The following RBM43 variants were observed in gnomAD, a reference collection of about 807,000 sequenced individuals.
The protein encoded by RBM43 is RNA binding motif protein 43, also known as RNA-binding protein 43.
RBM43 carries 12 observed loss-of-function variants against 12.4 expected under a neutral mutation model. That is an observed-to-expected ratio of 0.97 (90% confidence interval 0.62 to 1.57). The LOEUF (loss-of-function observed/expected upper bound fraction) is 1.57, where lower values mean the gene tolerates loss of function less well. Among genes scored for constraint, RBM43 ranks in the 40% most tolerant of loss-of-function variants. The pLI is 0.00. For missense variants in RBM43, 348 were observed against 400.1 expected, an observed-to-expected ratio of 0.87 and a Z score of 1.11; for synonymous variants, 138 against 145.7, an observed-to-expected ratio of 0.95 and a Z score of 0.38.
chr2:151,248,510 A>T lies in RBM43; in HGVS notation c.*2396T>A, dbSNP rs1466539714. ...AGAAAGTTTCAGCCACCTTTGAGAC[A>T]GTATTTTTTAACAAGGCAATATTTG... On this transcript the variant is annotated 3_prime_UTR_variant, in exon 4 of 4. Coordinates refer to ENST00000331426, the MANE Select transcript of RBM43 (RefSeq NM_198557.3). The T allele has an allele frequency of 6.6e-6, 1 of 152,222 alleles. No homozygotes were observed. The highest frequency in any genetic ancestry group is 1.9e-4 in the East Asian group (1 of 5,198). 9.4% of individuals were successfully genotyped at this position (152,222 alleles called of 1,614,324 possible). A position where few individuals can be genotyped will look rare whatever the true frequency, so the allele number is the denominator to read the frequency against.
intron 1 of RBM43, among the ~76,000 whole-genome samples, chr2:151,259,929 G>A (rs750997009): frequency 1.3e-5 from 2 of 151,534 alleles, no homozygotes; most frequent in Non-Finnish European, 2.9e-5. Flanking sequence ...GCAGTGGCGC[G>A]ATCTTGGCTC....
chr2:151,251,082 C>G lies in RBM43; in HGVS notation c.898G>C (p.Gly300Arg). 1.2e-6 allele frequency: 2 copies of G among 1,613,734 alleles called. No homozygotes were observed. Among genetic ancestry groups the G allele is most frequent in the South Asian group, 2.2e-5 (2 of 91,034 alleles). ...KLRKETFILE[G>R]KENREKRMIK... The stretch of plus-strand genomic sequence containing the variant: ...ATTCTTTTCTCTCTATTTTCCTTTC[C>G]TTCCAAAATAAATGTCTCTTTTCTA... The change falls in exon 4 of 4, where the codon GGA becomes CGA. Residue 300 changes from glycine (G) to arginine (R), a missense_variant. Physicochemically the swap from Gly to Arg is moderately radical, Grantham distance 125 (BLOSUM62 -2). Transcript: ENST00000331426.
chr2:151,261,574 C>T, intron 1 of RBM43, 151 bp downstream of exon 1: 1 of 1,540,190 alleles, frequency 6.5e-7, no homozygotes, highest in Non-Finnish European at 8.8e-7. Context: ...TCCGGGGCCC[C>T]CGGGGTCCCT....
rs1682849038 is a variant in RBM43 at position 151,248,524 on chromosome 2, A to G, written c.*2382T>C. 1 of 152,212 alleles carries G rather than the reference A, an allele frequency of 6.6e-6. No individual in the cohort carries two copies. The highest frequency in any genetic ancestry group is 2.4e-5 in the African/African-American group (1 of 41,454). The allele number at this position is 152,212 out of a possible 1,614,324, so 9.4% of individuals were successfully genotyped here. ...ACCTTTGAGACAGTATTTTTTAACA[A>G]GGCAATATTTGTATCCTGAATGTGT... On this transcript the variant is annotated 3_prime_UTR_variant, in exon 4 of 4. Coordinates refer to ENST00000331426, the MANE Select transcript of RBM43 (RefSeq NM_198557.3).
At chr2:151,259,428 T>C (rs978764988) in intron 1 of RBM43, among the ~76,000 whole-genome samples, 1 of 151,832 alleles carries the variant, frequency 6.6e-6, no homozygotes. Context: ...GGCAGATCAC[T>C]TGAAGTCAGG....
chr2:151,255,685 C>T lies in RBM43; in HGVS notation c.62G>A (p.Gly21Asp). ...KAPERTVVVA[G>D]LPVDLFSDQL... ...ATCACTAAAAAGGTCAACTGGAAGA[C>T]CAGCAACTACAACCGTTCTTTCAGG... Residue 21 changes from glycine to aspartate, a missense_variant, in exon 2 of 4, where the codon GGT becomes GAT. Gly to Asp is a moderately conservative substitution (Grantham distance 94). Coordinates refer to ENST00000331426, the MANE Select transcript of RBM43 (RefSeq NM_198557.3). 1 of 1,613,946 alleles carries T rather than the reference C, an allele frequency of 6.2e-7. No homozygotes were observed. The highest frequency in any genetic ancestry group is 8.5e-7 in the Non-Finnish European group (1 of 1,179,966).
rs530148477 is a variant in RBM43, at chr2:151,248,466, G to A, written c.*2440C>T. On this transcript the variant is annotated 3_prime_UTR_variant, in exon 4 of 4. Coordinates refer to ENST00000331426, the MANE Select transcript of RBM43 (RefSeq NM_198557.3). ...TAAAGAGGGGATACTGTAAGAAGGG[G>A]AGGGGAAAGGTCTAGAAAAGAAAGT... is the stretch of plus-strand genomic sequence containing the variant. The A allele has an allele frequency of 6.6e-6, 1 of 152,286 alleles. No individual in the cohort carries two copies. Among genetic ancestry groups the A allele is most frequent in the East Asian group, 1.9e-4 (1 of 5,186 alleles). 9.4% of individuals were successfully genotyped at this position (152,286 alleles called of 1,614,324 possible).
chr2:151,254,280 G>T (rs1314483769), intron 2 of RBM43, among the ~76,000 whole-genome samples: 2 of 131,744 alleles, frequency 1.5e-5, no homozygotes, highest in South Asian at 5.5e-4. Context: ...ATGAATGACC[G>T]AGGCCAATCT....
rs117552500 is a variant in RBM43 at position 151,259,643 on chromosome 2, A to G, written c.3+2082T>C. Among the ~76,000 whole-genome samples, 1,127 of 152,188 alleles carry G rather than the reference A, an allele frequency of 7.4e-3. 27 individuals are homozygous for G. In the East Asian group the frequency reaches 0.084, roughly 11 times the overall value. On this transcript the variant is annotated intron_variant, in intron 1 of 3. Coordinates refer to ENST00000331426, the MANE Select transcript of RBM43 (RefSeq NM_198557.3). ...GACAGAGTGAGACTCTGTCTCAAAA[A>G]AAATAAAAATAAAAACATTGAAAAT... is the stretch of plus-strand genomic sequence containing the variant.
chr2:151,261,331 C>G, intron 1 of RBM43: 1 of 1,550,626 alleles, frequency 6.4e-7, no homozygotes, highest in Non-Finnish European at 8.7e-7. Context: ...TTGTTCCCCC[C>G]GAGGCGTGGG....
At chr2:151,257,311 A>AAC (rs71403150) in intron 1 of RBM43, among the ~76,000 whole-genome samples, 4,257 of 150,800 alleles carry the variant, frequency 0.028, 143 homozygotes, top group African/African-American at 0.081. Context: ...TGCGTGCACA[A>AAC]ACACACACAC....
Position 151,251,018 on chromosome 2 carries a change from AG to A in RBM43, c.961del (p.Glu322LysfsTer3). 6.2e-7 allele frequency: 1 copy of A among 1,613,920 alleles called. No homozygotes were observed. Among genetic ancestry groups the A allele is most frequent in the Non-Finnish European group, 8.5e-7 (1 of 1,179,788 alleles). ...RACEQLSSRY[L>X]EVLINLYRTH... ...CCTATAAAGGTTAATCAGGACTTCAAGGTATCTCGAACTTAATTGTTCACAT... is the reference window on the plus strand; with the variant it reads ...CCTATAAAGGTTAATCAGGACTTCAAGTATCTCGAACTTAATTGTTCACAT... On this transcript the variant is annotated frameshift_variant, in exon 4 of 4. Transcript: ENST00000331426. LOFTEE classifies it low-confidence loss of function (END_TRUNC).
intron 2 of RBM43, among the ~76,000 whole-genome samples, chr2:151,255,063 CT>C (rs1258600106): frequency 2.0e-5 from 3 of 152,174 alleles, no homozygotes; most frequent in Admixed American, 1.3e-4. Flanking sequence ...ATTTTCATAT[CT>C]TTTCTTCCTA....
chr2:151,255,541 T>C lies in RBM43; in HGVS notation c.206A>G (p.Glu69Gly), dbSNP rs1231023935. 1.3e-6 allele frequency: 2 copies of C among 1,598,828 alleles called. No homozygotes were observed. The highest frequency in any genetic ancestry group is 2.3e-5 in the South Asian group (2 of 86,860). The part of the protein sequence containing the change: ...TKGVAYVIFK[E>G]KKVAENVIRQ... ...ATTTGACTTGGAAATACCTTTTTTT[T>C]CTTTGAATATTACATATGCAACTCC... is the stretch of plus-strand genomic sequence containing the variant. The change falls in exon 2 of 4, where the codon GAA becomes GGA. Residue 69 changes from glutamate (E) to glycine (G), a missense_variant. Coordinates refer to ENST00000331426, the MANE Select transcript of RBM43 (RefSeq NM_198557.3).
rs1682868666 is a variant in RBM43, at chr2:151,249,665, G to A, written c.*1241C>T. 1.3e-5 allele frequency: 2 copies of A among 152,306 alleles called. No individual in the cohort carries two copies. Among genetic ancestry groups the A allele is most frequent in the African/African-American group, 2.4e-5 (1 of 41,426 alleles). The allele number at this position is 152,306 out of a possible 1,614,324, so 9.4% of individuals were successfully genotyped here. A position where few individuals can be genotyped will look rare whatever the true frequency, so the allele number is the denominator to read the frequency against. On this transcript the variant is annotated 3_prime_UTR_variant, in exon 4 of 4. Coordinates refer to ENST00000331426, the MANE Select transcript of RBM43 (RefSeq NM_198557.3). Reference sequence around the variant, plus strand: ...CCCAAAGTGCTGGGATTACAGGTATGAGTCACCACGCCCGGCCAACTTGTG... The same window carrying A: ...CCCAAAGTGCTGGGATTACAGGTATAAGTCACCACGCCCGGCCAACTTGTG...
chr2:151,256,590 AG>A (rs1682978899), intron 1 of RBM43, among the ~76,000 whole-genome samples: 1 of 152,160 alleles, frequency 6.6e-6, no homozygotes, highest in Non-Finnish European at 1.5e-5. Flanking sequence ...AGGCTGAAGC[AG>A]GCAGATCACC....
chr2:151,252,667 G>T, intron 3 of RBM43, 88 bp downstream of exon 3: 1 of 710,008 alleles, frequency 1.4e-6, no homozygotes, highest in South Asian at 1.9e-5. Flanking sequence ...CATGGAGTGA[G>T]AGCACTTTGT....
At chr2:151,261,572 C>A in intron 1 of RBM43, 153 bp downstream of exon 1, 2 of 1,539,988 alleles carry the variant, frequency 1.3e-6, no homozygotes, top group East Asian at 2.5e-5. Flanking sequence ...TCTCCGGGGC[C>A]CCCGGGGTCC....
chr2:151,259,255 G>C (rs1573735567), intron 1 of RBM43, among the ~76,000 whole-genome samples: 2 of 152,160 alleles, frequency 1.3e-5, no homozygotes, highest in Admixed American at 1.3e-4. Flanking sequence ...GGACCAAAAG[G>C]AGAAAAAGTA....
Sources: gnomAD v4.1 joint callset for allele counts (sites outside exome capture counted in the v4.1 genomes callset) on GRCh38, gnomAD v4.1.1 for gene constraint, MANE v1.5 for transcripts, NCBI Gene and HGNC (gene_info 2026-07-23, HGNC 2026-07-21) for gene names.